Variants in CNTNAP5 observed in about 807,000 individuals in gnomAD.
CNTNAP5 encodes contactin-associated protein-like 5.
In CNTNAP5, 72 loss-of-function variants were observed where a neutral mutation model predicts 150.2. The ratio of observed to expected loss-of-function variants is 0.48; its 90% CI spans 0.40 to 0.58. The LOEUF (loss-of-function observed/expected upper bound fraction) is 0.58. Ranked by LOEUF, CNTNAP5 falls within the 20% of genes least tolerant of loss-of-function variation. CNTNAP5 has a pLI of 0.00. For missense variants in CNTNAP5, 1,636 were observed against 1,626.2 expected (o/e 1.01, Z -0.10); for synonymous variants, 672 against 619.8 (o/e 1.08, Z -1.25).
intron 13 of CNTNAP5, among the ~76,000 whole-genome samples, chr2:124,680,174 T>C (rs1679033961): frequency 6.6e-6 from 1 of 151,878 alleles, no homozygotes; most frequent in African/African-American, 2.4e-5. Context: ...GATTCCTCTT[T>C]ATCCCTCAAG....
At chr2:124,270,984 A>AT (rs1687734930) in intron 3 of CNTNAP5, among the ~76,000 whole-genome samples, 1 of 151,970 alleles carries the variant, frequency 6.6e-6, no homozygotes. Context: ...AAGGAATAGG[A>AT]TTTTTTTATA....
At chr2:124,718,152 A>G (rs1017434034) in intron 13 of CNTNAP5, among the ~76,000 whole-genome samples, 12 of 152,154 alleles carry the variant, frequency 7.9e-5, no homozygotes, top group African/African-American at 2.9e-4. Flanking sequence ...CCAACTTTCT[A>G]CTCCATTCTT....
intron 12 of CNTNAP5, among the ~76,000 whole-genome samples, chr2:124,627,907 C>T (rs1392065089): frequency 6.6e-6 from 1 of 152,074 alleles, no homozygotes; most frequent in Non-Finnish European, 1.5e-5. Context: ...CAGCACAAGA[C>T]AATCATAATG....
intron 3 of CNTNAP5, among the ~76,000 whole-genome samples, chr2:124,394,866 C>G (rs1691206997): frequency 6.6e-6 from 1 of 152,154 alleles, no homozygotes; most frequent in Non-Finnish European, 1.5e-5. Context: ...TTGTGAAGCT[C>G]CAATTCAGGC....
intron 13 of CNTNAP5, among the ~76,000 whole-genome samples, chr2:124,658,439 T>C (rs1678503963): frequency 6.6e-6 from 1 of 152,016 alleles, no homozygotes; most frequent in African/African-American, 2.4e-5. Context: ...CATGTCAGAG[T>C]TTATTACTTT....
chr2:124,597,617 G>A (rs1408352848), intron 11 of CNTNAP5, among the ~76,000 whole-genome samples: 1 of 149,580 alleles, frequency 6.7e-6, no homozygotes, highest in Non-Finnish European at 1.5e-5. Context: ...TGACAATTAT[G>A]TGTCTTGGAG....
At chr2:124,689,813 A>T (rs1679264762) in intron 13 of CNTNAP5, among the ~76,000 whole-genome samples, 1 of 152,104 alleles carries the variant, frequency 6.6e-6, no homozygotes, top group Non-Finnish European at 1.5e-5. Context: ...GAGCAGAAGT[A>T]CAGACTTCTG....
intron 1 of CNTNAP5, among the ~76,000 whole-genome samples, chr2:124,173,631 A>C (rs1684988521): frequency 6.6e-6 from 1 of 152,216 alleles, no homozygotes; most frequent in Non-Finnish European, 1.5e-5. Flanking sequence ...CTTCAGAAGA[A>C]ATATCTGAAA....
chr2:124,622,161 C>A (rs572657442), intron 12 of CNTNAP5, among the ~76,000 whole-genome samples: 23 of 151,974 alleles, frequency 1.5e-4, no homozygotes, highest in Non-Finnish European at 3.1e-4. Context: ...GTTGTTCCCC[C>A]TCCATGTGTC....
chr2:124,761,571 G>A (rs1680956465), intron 14 of CNTNAP5, among the ~76,000 whole-genome samples: 1 of 151,988 alleles, frequency 6.6e-6, no homozygotes, highest in Non-Finnish European at 1.5e-5. Context: ...TGTTTTAGTT[G>A]GGACAGCTAT....
intron 1 of CNTNAP5, among the ~76,000 whole-genome samples, chr2:124,173,313 T>C (rs1339192332): frequency 6.6e-6 from 1 of 152,188 alleles, no homozygotes; most frequent in Non-Finnish European, 1.5e-5. Context: ...TGCACCTCTC[T>C]CACTTTAAGT....
chr2:124,800,482 A>G (rs953646842), intron 19 of CNTNAP5, among the ~76,000 whole-genome samples: 3 of 152,226 alleles, frequency 2.0e-5, no homozygotes, highest in African/African-American at 7.2e-5. Flanking sequence ...TTTATTGTAG[A>G]AACTGAGGCA....
intron 1 of CNTNAP5, among the ~76,000 whole-genome samples, chr2:124,133,938 C>A (rs181396310): frequency 6.6e-6 from 1 of 152,202 alleles, no homozygotes. Flanking sequence ...TGTTAAAGGG[C>A]AGTGTGTCTA....
intron 3 of CNTNAP5, among the ~76,000 whole-genome samples, chr2:124,402,371 T>C (rs11673887): frequency 0.49 from 74,395 of 152,008 alleles, 19,908 homozygotes; most frequent in South Asian, 0.65. Flanking sequence ...ACACCTTCAG[T>C]GTCCCAGGTA....
At chr2:124,318,170 C>G (rs1488251051) in intron 3 of CNTNAP5, among the ~76,000 whole-genome samples, 2 of 152,008 alleles carry the variant, frequency 1.3e-5, no homozygotes, top group Non-Finnish European at 2.9e-5. Flanking sequence ...TTGCTTGGCC[C>G]CAAAACTACA....
At chr2:124,904,058 AAAAAAAC>A (rs1678476273) in intron 22 of CNTNAP5, among the ~76,000 whole-genome samples, 1 of 146,800 alleles carries the variant, frequency 6.8e-6, no homozygotes, top group Middle Eastern at 3.5e-3. Context: ...TGTTTCAAAA[AAAAAAAC>A]AAAAAAAAAA....
chr2:124,913,283 C>T (rs1678692348), intron 23 of CNTNAP5, among the ~76,000 whole-genome samples: 3 of 152,110 alleles, frequency 2.0e-5, no homozygotes, highest in Admixed American at 1.3e-4. Context: ...TGCAGAGACA[C>T]ATCTGCCGCT....
intron 19 of CNTNAP5, among the ~76,000 whole-genome samples, chr2:124,853,965 C>G (rs1573662512): frequency 6.6e-6 from 1 of 152,182 alleles, no homozygotes; most frequent in African/African-American, 2.4e-5. Flanking sequence ...AGCTCCATCC[C>G]TGTTCCCACA....
intron 13 of CNTNAP5, among the ~76,000 whole-genome samples, chr2:124,657,518 G>T (rs547674004): frequency 6.6e-6 from 1 of 152,128 alleles, no homozygotes; most frequent in Non-Finnish European, 1.5e-5. Context: ...GTAGATTCCT[G>T]CTTCCTGTCT....
Sources: allele counts gnomAD v4.1 joint callset (sites outside exome capture counted in the v4.1 genomes callset), GRCh38; gene constraint gnomAD v4.1.1; transcripts MANE v1.5; gene names NCBI Gene and HGNC (gene_info 2026-07-23, HGNC 2026-07-21).